Variants in CREB3L2 observed in about 807,000 individuals in gnomAD.
The protein encoded by CREB3L2 is cAMP responsive element binding protein 3 like 2.
In CREB3L2, 23 loss-of-function variants were observed where a neutral mutation model predicts 57.2. The ratio of observed to expected loss-of-function variants is 0.40; its 90% CI spans 0.29 to 0.57. The LOEUF is 0.57. CREB3L2 is among the 20% of genes least tolerant of loss of function. CREB3L2 has a pLI of 0.42. For missense variants in CREB3L2, 628 were observed against 634.7 expected (o/e 0.99, Z 0.11); for synonymous variants, 268 against 265.1 (o/e 1.01, Z -0.11).
intron 1 of CREB3L2, among the ~76,000 whole-genome samples, chr7:137,942,573 A>G (rs538585366): frequency 6.6e-6 from 1 of 152,300 alleles, no homozygotes; most frequent in African/African-American, 2.4e-5. Context: ...AGGAAAAACA[A>G]AACAAAACAA....
chr7:137,992,171 A>G (rs994647575), intron 1 of CREB3L2, among the ~76,000 whole-genome samples: 1 of 152,170 alleles, frequency 6.6e-6, no homozygotes, highest in African/African-American at 2.4e-5. Flanking sequence ...TGTACACACA[A>G]GAGGAAAATA....
At chr7:137,932,369 T>A (rs1309529753) in intron 1 of CREB3L2, among the ~76,000 whole-genome samples, 1 of 152,028 alleles carries the variant, frequency 6.6e-6, no homozygotes, top group Admixed American at 6.5e-5. Context: ...CATAAATAAA[T>A]AAAAACATAC....
chr7:137,981,467 T>C (rs573242978), intron 1 of CREB3L2, among the ~76,000 whole-genome samples: 18 of 152,250 alleles, frequency 1.2e-4, no homozygotes, highest in African/African-American at 4.1e-4. Context: ...AGAGAAGGAT[T>C]AGTCATGTGG....
At chr7:137,929,510 G>GAA (rs1800560993) in intron 1 of CREB3L2, among the ~76,000 whole-genome samples, 1 of 151,938 alleles carries the variant, frequency 6.6e-6, no homozygotes, top group Non-Finnish European at 1.5e-5. Flanking sequence ...GTCTGTAGGT[G>GAA]AAAAAGTCAC....
At chr7:137,970,045 T>C (rs1441562928) in intron 1 of CREB3L2, among the ~76,000 whole-genome samples, 1 of 152,080 alleles carries the variant, frequency 6.6e-6, no homozygotes, top group Non-Finnish European at 1.5e-5. Context: ...AGCACTGTTA[T>C]GGGGGGGTTA....
Position 138,001,973 on chromosome 7 carries a change from CA to C in CREB3L2, c.-269del. On this transcript the variant is annotated 5_prime_UTR_variant, in exon 1 of 12. The change abolishes the stop of an existing upstream ORF in the 5' untranslated region. Transcript: ENST00000330387. This position sits in a 1 kb window ranked among gnomAD's most constrained non-coding sequence, Gnocchi z 4.2. The stretch of plus-strand genomic sequence containing the variant: ...CCGGGGCTAAAGCGGGATGTGCATC[CA>C]AAATGAAGGCAGAAGACCCGCTCTC... The C allele has an allele frequency of 2.4e-6, 1 of 416,604 alleles. No homozygotes were observed. The highest frequency in any genetic ancestry group is 4.3e-6 in the Non-Finnish European group (1 of 231,698). 25.8% of individuals were successfully genotyped at this position (416,604 alleles called of 1,614,324 possible).
At chr7:137,938,180 A>G (rs1800823756) in intron 1 of CREB3L2, among the ~76,000 whole-genome samples, 1 of 152,186 alleles carries the variant, frequency 6.6e-6, no homozygotes, top group Non-Finnish European at 1.5e-5. Flanking sequence ...ACTTTGAGTG[A>G]TAACAATGTG....
intron 1 of CREB3L2, among the ~76,000 whole-genome samples, chr7:137,970,229 T>C (rs905177611): frequency 1.3e-5 from 2 of 152,248 alleles, no homozygotes; most frequent in African/African-American, 4.8e-5. Flanking sequence ...GGAGTTATTA[T>C]TATTATTGAT....
At chr7:137,928,430 C>T in intron 1 of CREB3L2, 64 bp from the exon 2 acceptor site, 4 of 1,281,990 alleles carry the variant, frequency 3.1e-6, no homozygotes, top group Non-Finnish European at 2.2e-6. Flanking sequence ...ATACCCTACG[C>T]ACATACCAAA....
Position 137,882,466 on chromosome 7 carries a change from A to G in CREB3L2, c.1433T>C (p.Ile478Thr). Reference protein sequence around the residue: ...RPDVDLPHFIISNETSLEKSV... With the variant: ...RPDVDLPHFITSNETSLEKSV... ...CTTCTCCAGGCTGGTCTCATTCGAG[A>G]TAATGAAATGGGGAAGATCCACATC... Residue 478 changes from isoleucine to threonine, a missense_variant, in exon 11 of 12, where the codon ATC (isoleucine) becomes ACC (threonine). Around this residue, in one of 3 missense-constraint regions of CREB3L2, gnomAD observed 272 missense variants for 242.7 expected, o/e 1.12. Transcript: ENST00000330387. 1 of 1,613,960 alleles carries G rather than the reference A, an allele frequency of 6.2e-7. No homozygotes were observed. Among genetic ancestry groups the G allele is most frequent in the Non-Finnish European group, 8.5e-7 (1 of 1,179,928 alleles).
chr7:137,912,667 T>C, intron 4 of CREB3L2: 2 of 629,204 alleles, frequency 3.2e-6, no homozygotes, highest in South Asian at 2.0e-5. Context: ...CACGCCTGGA[T>C]GAATAAGGGC....
At chr7:137,901,880 A>AAAG (rs920482737) in intron 7 of CREB3L2, among the ~76,000 whole-genome samples, 3 of 141,636 alleles carry the variant, frequency 2.1e-5, no homozygotes, top group African/African-American at 8.6e-5. Flanking sequence ...GTCTCAAAAA[A>AAAG]AAAAAAAAAA....
rs369653454 is a variant in CREB3L2, at chr7:137,885,092, G to C, written c.1173C>G (p.Phe391Leu). Residue 391 changes from phenylalanine (F) to leucine (L), a missense_variant, in exon 10 of 12, where the codon TTC (phenylalanine) becomes TTG (leucine). Coordinates refer to ENST00000330387, the MANE Select transcript of CREB3L2 (RefSeq NM_194071.4). ...GCCCGTAGCCTTGAAAGAAGCTGCC[G>C]AATGCAACGGCAAAGCACAGCACCA... ...MVVVLCFAVA[F>L]GSFFQGYGPY... is the part of the protein sequence containing the mutation. 6.2e-7 allele frequency: 1 copy of C among 1,614,180 alleles called. No individual in the cohort carries two copies. Among genetic ancestry groups the C allele is most frequent in the Admixed American group, 1.7e-5 (1 of 60,026 alleles).
chr7:137,989,949 T>A (rs1276963009), intron 1 of CREB3L2, among the ~76,000 whole-genome samples: 1 of 152,216 alleles, frequency 6.6e-6, no homozygotes, highest in Non-Finnish European at 1.5e-5. Flanking sequence ...CAGGCCCTCA[T>A]GGCATCTTAT....
At chr7:137,914,283 G>A (rs1029638025) in intron 3 of CREB3L2, among the ~76,000 whole-genome samples, 25 of 152,094 alleles carry the variant, frequency 1.6e-4, no homozygotes, top group African/African-American at 6.0e-4. Flanking sequence ...AAGTTATCTG[G>A]CCCATACACA....
At chr7:137,935,872 C>T (rs1345740151) in intron 1 of CREB3L2, 7 of 265,014 alleles carry the variant, frequency 2.6e-5, no homozygotes, top group Admixed American at 6.5e-5. Flanking sequence ...AAAATTACCT[C>T]GGCTCTGAAG....
intron 7 of CREB3L2, 57 bp from the exon 8 acceptor site, chr7:137,901,479 G>A: frequency 1.8e-6 from 2 of 1,134,826 alleles, no homozygotes; most frequent in Non-Finnish European, 2.7e-6. Context: ...ACTAAGCTAG[G>A]AGCTAGGGTG....
At chr7:137,896,531 C>A (rs1490294900) in intron 8 of CREB3L2, among the ~76,000 whole-genome samples, 3 of 152,164 alleles carry the variant, frequency 2.0e-5, no homozygotes, top group Admixed American at 6.5e-5. Context: ...GAACTCCCAA[C>A]CTCAGGTGAT....
At chr7:137,922,387 T>C (rs200198615) in intron 2 of CREB3L2, among the ~76,000 whole-genome samples, 136 of 12,196 alleles carry the variant, frequency 0.011, 8 homozygotes, top group East Asian at 0.056. Context: ...TATATATGTA[T>C]ATATATATAT....
Sources: gnomAD v4.1 joint callset for allele counts (sites outside exome capture counted in the v4.1 genomes callset) on GRCh38, gnomAD v4.1.1 for gene constraint, gnomAD v4.1.1 regional missense constraint, Gnocchi (gnomAD v3.1) non-coding constraint, MANE v1.5 for transcripts, NCBI Gene and HGNC (gene_info 2026-07-23, HGNC 2026-07-21) for gene names.